VSIG1: variants seen among roughly 807,000 people sequenced by gnomAD.
The protein encoded by VSIG1 is V-set and immunoglobulin domain containing 1, also known as V-set and immunoglobulin domain-containing protein 1.
Under a neutral mutation model 20.1 loss-of-function variants are expected in VSIG1, and 11 were observed. The observed-to-expected ratio is 0.55, with a 90% CI of 0.34 to 0.91. VSIG1 has a LOEUF of 0.91. Among genes scored for constraint, VSIG1 ranks in the 40% least tolerant of loss-of-function variants. The pLI, the probability that VSIG1 is intolerant of heterozygous loss-of-function variation, is 0.02. For synonymous variants in VSIG1, 126 were observed against 116.7 expected (o/e 1.08, Z -0.52); for missense variants, 283 against 298.8 (o/e 0.95, Z 0.39).
At chrX:108,055,521 G>A (rs1454992355) in intron 1 of VSIG1, among the ~76,000 whole-genome samples, 1 of 111,224 alleles carries the variant, frequency 9.0e-6, no homozygotes, top group Non-Finnish European at 1.9e-5. Context: ...AAAACTACAG[G>A]CCAATATCTC....
At chrX:108,036,409 CAT>C in the VSIG1 span, among the ~76,000 whole-genome samples, 1 of 110,801 alleles carries the variant, frequency 9.0e-6, no homozygotes, top group Non-Finnish European at 1.9e-5. Context: ...CAATCTATGA[CAT>C]GTGTTTGTAC....
intron 1 of VSIG1, among the ~76,000 whole-genome samples, chrX:108,049,491 C>T (rs2030739330): frequency 8.9e-6 from 1 of 111,846 alleles, no homozygotes; most frequent in South Asian, 3.8e-4. Flanking sequence ...TCTTCCATGG[C>T]TTGACTTGTG....
At chrX:108,041,722 A>G (rs2030484095), upstream of VSIG1, among the ~76,000 whole-genome samples, 1 of 107,105 alleles carries the variant, frequency 9.3e-6, no homozygotes, top group Admixed American at 1.0e-4. Flanking sequence ...TTGTCCTTTG[A>G]AAACCATTTA....
rs2030688289 is a variant in VSIG1, at chrX:108,047,971, T to TATATATATATATATATATACAC, written c.49+2811_49+2812insCACATATATATATATATATATA. ...ATATATATACACACACATATATATA[T>TATATATATATATATATATACAC]ATATATATATATATATATATATATA... On this transcript the variant is annotated intron_variant, in intron 1 of 6. Transcript: ENST00000217957. Among the ~76,000 whole-genome samples the TATATATATATATATATATACAC allele has an allele frequency of 8.7e-5, 5 of 57,729 alleles. No individual in the cohort carries two copies. The East Asian group carries it at 2.8e-3, about 32-fold the overall frequency. The allele number at this position is 57,729 out of a possible 115,157, so 50.1% of individuals were successfully genotyped here.
upstream of VSIG1, among the ~76,000 whole-genome samples, chrX:108,042,264 T>G (rs1012526807): frequency 1.8e-5 from 2 of 111,810 alleles, no homozygotes; most frequent in Non-Finnish European, 3.8e-5. Flanking sequence ...CACAACAGAT[T>G]TTGGTGCAGA....
At chrX:108,050,128 A>G (rs2030751819) in intron 1 of VSIG1, among the ~76,000 whole-genome samples, 1 of 112,725 alleles carries the variant, frequency 8.9e-6, no homozygotes. Context: ...GAACACAGAT[A>G]TTGAATCCAT....
upstream of VSIG1, among the ~76,000 whole-genome samples, chrX:108,040,719 C>T (rs1248483174): frequency 1.2e-4 from 14 of 112,041 alleles, no homozygotes; most frequent in Admixed American, 8.5e-4. Context: ...AAATACCATG[C>T]AGCCTTAACA....
chrX:108,036,446 G>C, the VSIG1 span, among the ~76,000 whole-genome samples: 1 of 110,855 alleles, frequency 9.0e-6, no homozygotes, highest in African/African-American at 3.3e-5. Context: ...AATTGCTTAG[G>C]AGTAGGCTTC....
chrX:108,069,923 A>T (rs2031205922), intron 3 of VSIG1, among the ~76,000 whole-genome samples: 1 of 111,866 alleles, frequency 8.9e-6, no homozygotes, highest in African/African-American at 3.3e-5. Flanking sequence ...TGAATGTTGA[A>T]GGATGTGCAA....
chrX:108,021,628 T>C, the VSIG1 span, among the ~76,000 whole-genome samples: 1 of 112,589 alleles, frequency 8.9e-6, no homozygotes, highest in South Asian at 3.6e-4. Context: ...AAACATTGCC[T>C]AATCCAAAGT....
At chrX:108,025,228 G>C in the VSIG1 span, among the ~76,000 whole-genome samples, 1 of 111,920 alleles carries the variant, frequency 8.9e-6, no homozygotes, top group Non-Finnish European at 1.9e-5. Flanking sequence ...CAATAGTATA[G>C]ATCTAAGAAT....
rs1198549016 is a variant in VSIG1 at position 108,061,509 on chromosome X, C to T, written c.213+3308C>T. The T allele has an allele frequency of 1.1e-5, 13 of 1,164,527 alleles. No homozygotes were observed. Among genetic ancestry groups the T allele is most frequent in the East Asian group, 6.5e-5 (2 of 30,637 alleles). On this transcript the variant is annotated intron_variant, in intron 2 of 6. Transcript: ENST00000217957. ...AAAAATGACGCACGCAAGAGACGCT[C>T]GGGGAAGATGTAGCTGGACCTCTGA...
At chrX:108,031,554 G>A in the VSIG1 span, among the ~76,000 whole-genome samples, 55,249 of 110,516 alleles carry the variant, frequency 0.5, 10,832 homozygotes, top group African/African-American at 0.69. Flanking sequence ...GTTGGCAATC[G>A]TAGCCATGTG....
At chrX:108,021,429 T>C in the VSIG1 span, among the ~76,000 whole-genome samples, 1 of 112,153 alleles carries the variant, frequency 8.9e-6, no homozygotes, top group Non-Finnish European at 1.9e-5. Flanking sequence ...CATTGAGTTG[T>C]GATAGTACTT....
intron 6 of VSIG1, 92 bp downstream of exon 6, chrX:108,076,310 T>C: frequency 9.9e-7 from 1 of 1,007,602 alleles, no homozygotes; most frequent in Non-Finnish European, 1.4e-6. Context: ...CCTTTTAGTA[T>C]AAGATATCAG....
intron 1 of VSIG1, among the ~76,000 whole-genome samples, chrX:108,056,268 C>T (rs766713458): frequency 9.0e-6 from 1 of 111,483 alleles, no homozygotes; most frequent in Admixed American, 9.5e-5. Context: ...AGGAGAATTG[C>T]CTCAACTTGA....
chrX:108,035,589 G>A, the VSIG1 span, among the ~76,000 whole-genome samples: 1 of 110,372 alleles, frequency 9.1e-6, no homozygotes, highest in East Asian at 2.9e-4. Context: ...TCCCCTGCCA[G>A]GTGGACCCCA....
At chrX:108,051,537 A>T (rs1222507287) in intron 1 of VSIG1, among the ~76,000 whole-genome samples, 1 of 112,216 alleles carries the variant, frequency 8.9e-6, no homozygotes, top group African/African-American at 3.2e-5. Context: ...CTGACTGCAA[A>T]AATAAAAAAT....
chrX:108,039,883 C>T, the VSIG1 span, among the ~76,000 whole-genome samples: 3 of 109,189 alleles, frequency 2.7e-5, no homozygotes, highest in Non-Finnish European at 3.8e-5. Flanking sequence ...ACTGAGATTG[C>T]AAGAGATAAA....
Sources: allele counts gnomAD v4.1 joint callset (sites outside exome capture counted in the v4.1 genomes callset), GRCh38; gene constraint gnomAD v4.1.1; transcripts MANE v1.5; gene names NCBI Gene and HGNC (gene_info 2026-07-23, HGNC 2026-07-21).